Variants in MAP3K5 observed in about 807,000 individuals in gnomAD.
MAP3K5 encodes the protein ASK-1.
A neutral mutation model predicts 158.7 loss-of-function variants in MAP3K5; 56 were observed. The observed-to-expected ratio is 0.35, with a 90% CI of 0.28 to 0.44. The LOEUF is 0.44. Among genes scored for constraint, MAP3K5 ranks in the 20% least tolerant of loss-of-function variants. The pLI is 1.00. For synonymous variants in MAP3K5, 579 were observed against 601.7 expected, an observed-to-expected ratio of 0.96 and a Z score of 0.55; for missense variants, 1,294 against 1,674.8, an observed-to-expected ratio of 0.77 and a Z score of 3.97.
At chr6:136,592,111 C>A (rs1046571053) in intron 23 of MAP3K5, 62 bp downstream of exon 23, 1 of 1,423,292 alleles carries the variant, frequency 7.0e-7, no homozygotes, top group Non-Finnish European at 9.5e-7. Context: ...CAGCTGCAGG[C>A]GGTTAGGACA....
At chr6:136,576,986 G>A (rs1338347287) in intron 25 of MAP3K5, among the ~76,000 whole-genome samples, 1 of 151,860 alleles carries the variant, frequency 6.6e-6, no homozygotes, top group Non-Finnish European at 1.5e-5. Flanking sequence ...CTGCCATCTA[G>A]GTTTGTGTAA....
At chr6:136,651,201 A>C (rs1227453989) in intron 10 of MAP3K5, 110 bp from the exon 11 acceptor site, 7 of 574,230 alleles carry the variant, frequency 1.2e-5, no homozygotes, top group East Asian at 9.0e-5. Context: ...TGAGCTTCTG[A>C]ATCTGTTCCT....
At chr6:136,764,096 T>TG (rs1163404533) in intron 1 of MAP3K5, among the ~76,000 whole-genome samples, 2 of 152,212 alleles carry the variant, frequency 1.3e-5, no homozygotes, top group African/African-American at 4.8e-5. Flanking sequence ...ACTGCCCTGC[T>TG]GATCAGCCAG....
chr6:136,572,916 A>G (rs945616462), intron 25 of MAP3K5, among the ~76,000 whole-genome samples: 1 of 152,254 alleles, frequency 6.6e-6, no homozygotes, highest in Non-Finnish European at 1.5e-5. Context: ...ACATTGAAAT[A>G]TAACATGAAA....
chr6:136,653,859 T>C lies in MAP3K5; in HGVS notation c.1680+2448A>G, dbSNP rs554533498. Among the ~76,000 whole-genome samples, 4 of 152,300 alleles carry C rather than the reference T, an allele frequency of 2.6e-5. No individual in the cohort carries two copies. The East Asian group carries it at 5.8e-4, about 22-fold the overall frequency. Reference sequence around the variant, plus strand: ...GGAAAACTCAAGAAGGACTACAAAATTGTACAATTTTGTCCTCTGTGTAAC... The same window carrying C: ...GGAAAACTCAAGAAGGACTACAAAACTGTACAATTTTGTCCTCTGTGTAAC... On this transcript the variant is annotated intron_variant, in intron 10 of 29. Coordinates refer to ENST00000359015, the MANE Select transcript of MAP3K5 (RefSeq NM_005923.4).
Position 136,792,280 on chromosome 6 carries a change from C to T in MAP3K5, c.-123G>A. On this transcript the variant is annotated 5_prime_UTR_variant, in exon 1 of 30. Transcript: ENST00000359015. This position sits in a 1 kb window ranked among gnomAD's most constrained non-coding sequence, Gnocchi z 5.7. ...CAGCTGCCATCGCGCGCCGCGCCCT[C>T]GCCGCCGCGCCGCCGCCTCCTCTCC... 2 of 1,091,588 alleles carry T rather than the reference C, an allele frequency of 1.8e-6. No individual in the cohort carries two copies. Among genetic ancestry groups the T allele is most frequent in the Non-Finnish European group, 1.1e-6 (1 of 904,954 alleles). The allele number at this position is 1,091,588 out of a possible 1,614,324, so 67.6% of individuals were successfully genotyped here.
chr6:136,698,415 A>G, intron 4 of MAP3K5, 74 bp downstream of exon 4: 1 of 1,295,288 alleles, frequency 7.7e-7, no homozygotes, highest in Non-Finnish European at 1.1e-6. Flanking sequence ...GGAGCACCTG[A>G]TATCATGCAC....
intron 1 of MAP3K5, among the ~76,000 whole-genome samples, chr6:136,775,646 C>T (rs1784376127): frequency 6.6e-6 from 1 of 152,188 alleles, no homozygotes; most frequent in Non-Finnish European, 1.5e-5. Context: ...ATCATGATTG[C>T]TTCATACATC....
intron 1 of MAP3K5, among the ~76,000 whole-genome samples, chr6:136,769,517 T>C (rs770099617): frequency 6.6e-6 from 1 of 151,782 alleles, no homozygotes; most frequent in Non-Finnish European, 1.5e-5. Flanking sequence ...ATAAGTTATC[T>C]CTCAATTTTT....
intron 1 of MAP3K5, among the ~76,000 whole-genome samples, chr6:136,723,612 C>T (rs1781836102): frequency 6.6e-6 from 1 of 152,090 alleles, no homozygotes; most frequent in South Asian, 2.1e-4. Flanking sequence ...AAATGAACAA[C>T]ATTCAAGACC....
At chr6:136,669,486 A>T in intron 7 of MAP3K5, 91 bp from the exon 8 acceptor site, 1 of 742,228 alleles carries the variant, frequency 1.3e-6, no homozygotes, top group Non-Finnish European at 2.3e-6. Flanking sequence ...CCAATGCCTG[A>T]GCAAGTAAAA....
At chr6:136,571,478 C>T (rs890077085) in intron 25 of MAP3K5, among the ~76,000 whole-genome samples, 1 of 152,178 alleles carries the variant, frequency 6.6e-6, no homozygotes, top group African/African-American at 2.4e-5. Context: ...AGTGAAAAAA[C>T]CATAAAATTA....
chr6:136,671,234 CA>C (rs1779470507), intron 7 of MAP3K5, among the ~76,000 whole-genome samples: 1 of 152,120 alleles, frequency 6.6e-6, no homozygotes, highest in Non-Finnish European at 1.5e-5. Flanking sequence ...CGAAATGAAT[CA>C]ATAAATATTG....
At position 136,604,955 on chromosome 6, in the gene MAP3K5, C is replaced by T. The variant is rs1316939174; in HGVS notation, c.2679+254G>A. Among the ~76,000 whole-genome samples the T allele has an allele frequency of 2.0e-5, 3 of 152,002 alleles. No individual in the cohort carries two copies. The South Asian group carries it at 6.2e-4, about 32-fold the overall frequency. Reference sequence around the variant, plus strand: ...GTATAGTCATGTGTTATTTATACTGCGTTGTTAAAAGGTGGTCAATGGAAG... The same window carrying T: ...GTATAGTCATGTGTTATTTATACTGTGTTGTTAAAAGGTGGTCAATGGAAG... On this transcript the variant is annotated intron_variant, in intron 19 of 29. Transcript: ENST00000359015.
intron 12 of MAP3K5, among the ~76,000 whole-genome samples, chr6:136,642,041 AAAATAAAAT>A (rs1206597059): frequency 1.5e-4 from 16 of 104,344 alleles, no homozygotes; most frequent in African/African-American, 6.5e-4. Context: ...AAAATAAAAT[AAAATAAAAT>A]AAAATAAAAT....
intron 25 of MAP3K5, 143 bp downstream of exon 25, chr6:136,580,158 C>T (rs983467826): frequency 2.2e-5 from 13 of 597,920 alleles, no homozygotes; most frequent in African/African-American, 1.7e-4. Context: ...ACTATATGTA[C>T]TATTTGGTGA....
At chr6:136,569,200 G>T (rs2129070555) in intron 25 of MAP3K5, among the ~76,000 whole-genome samples, 1 of 152,204 alleles carries the variant, frequency 6.6e-6, no homozygotes, top group Middle Eastern at 3.4e-3. Flanking sequence ...AAAGTATTTT[G>T]CCCCAAAATA....
rs538622208 is a variant in MAP3K5 at position 136,604,986 on chromosome 6, T to C, written c.2679+223A>G. Among the ~76,000 whole-genome samples, 27 of 152,328 alleles carry C rather than the reference T, an allele frequency of 1.8e-4. No individual in the cohort carries two copies. The South Asian group carries it at 5.4e-3, about 30-fold the overall frequency. ...TAAAAGGTGGTCAATGGAAGTTACA[T>C]TGAATCTCACTTTATAGCTGAGAAA... On this transcript the variant is annotated intron_variant, in intron 19 of 29. Coordinates refer to ENST00000359015, the MANE Select transcript of MAP3K5 (RefSeq NM_005923.4).
In MAP3K5 at chr6:136,656,372, C is replaced by T; in HGVS notation, c.1615G>A (p.Val539Met). The change falls in exon 10 of 30, where the codon GTG becomes ATG. Residue 539 changes from valine to methionine, a missense_variant. By Grantham distance (21) the Val-to-Met change is conservative. Coordinates refer to ENST00000359015, the MANE Select transcript of MAP3K5 (RefSeq NM_005923.4). ...TEQPVAKQEL[V>M]DFWMDFLVEA... ...ACCAGGAAATCCATCCAAAAGTCCA[C>T]AAGTTCTTGCTTGGCCACAGGCTGT... The T allele has an allele frequency of 6.2e-7, 1 of 1,613,910 alleles. No homozygotes were observed. Among genetic ancestry groups the T allele is most frequent in the Non-Finnish European group, 8.5e-7 (1 of 1,179,808 alleles).
Sources: allele counts gnomAD v4.1 joint callset (sites outside exome capture counted in the v4.1 genomes callset), GRCh38; gene constraint gnomAD v4.1.1; non-coding constraint Gnocchi (gnomAD v3.1); transcripts MANE v1.5; gene names NCBI Gene and HGNC (gene_info 2026-07-23, HGNC 2026-07-21).